PIK3R6: variants seen among roughly 807,000 people sequenced by gnomAD.
PIK3R6 encodes the protein phosphoinositide 3-kinase regulatory subunit 6.
A neutral mutation model predicts 84.9 loss-of-function variants in PIK3R6; 91 were observed. That is an observed-to-expected ratio of 1.07 (90% CI 0.90 to 1.28). The LOEUF (loss-of-function observed/expected upper bound fraction) is 1.28. Ranked by LOEUF, PIK3R6 falls within the 50% of genes most tolerant of loss-of-function variation. The pLI is 0.00. For synonymous variants in PIK3R6, 416 were observed against 411.4 expected (o/e 1.01, Z -0.13); for missense variants, 996 against 985.1 (o/e 1.01, Z -0.15).
intron 16 of PIK3R6, among the ~76,000 whole-genome samples, chr17:8,822,179 G>A (rs1411688966): frequency 4.6e-5 from 7 of 151,434 alleles, no homozygotes; most frequent in Middle Eastern, 3.5e-3. Flanking sequence ...CATGAGCCAC[G>A]GTGCCAGACC....
At chr17:8,815,661 G>A (rs976019359) in intron 18 of PIK3R6, among the ~76,000 whole-genome samples, 3 of 152,200 alleles carry the variant, frequency 2.0e-5, no homozygotes, top group African/African-American at 4.8e-5. Flanking sequence ...AAATAGCCAC[G>A]TGGGGATGGG....
At chr17:8,854,524 G>T (rs1293907990) in intron 1 of PIK3R6, among the ~76,000 whole-genome samples, 2 of 152,192 alleles carry the variant, frequency 1.3e-5, no homozygotes, top group Non-Finnish European at 2.9e-5. Flanking sequence ...ACAGAACGAA[G>T]AGTTCGGAAG....
At chr17:8,819,861 C>T (rs2087669946) in intron 17 of PIK3R6, among the ~76,000 whole-genome samples, 3 of 146,048 alleles carry the variant, frequency 2.1e-5, no homozygotes, top group Non-Finnish European at 4.5e-5. Flanking sequence ...TATATAGACA[C>T]ACATATATAT....
At position 8,840,310 on chromosome 17, in the gene PIK3R6, AAT is replaced by A. The variant is rs1434692457; in HGVS notation, c.14-615_14-614del. 5.0e-5 allele frequency among the ~76,000 whole-genome samples: 7 copies of A among 139,928 alleles called. 1 individual carries two copies. The highest frequency in any genetic ancestry group is 1.8e-4 in the African/African-American group (7 of 38,506). The allele number at this position is 139,928 out of a possible 152,430, so 91.8% of individuals were successfully genotyped here. A position where few individuals can be genotyped will look rare whatever the true frequency, so the allele number is the denominator to read the frequency against. ...ATACAGCCTACAAATATGTATATGA[AAT>A]ATATATAGCCTCCAAATATGTATAT... On this transcript the variant is annotated intron_variant, in intron 2 of 19. Transcript: ENST00000619866.
intron 17 of PIK3R6, among the ~76,000 whole-genome samples, chr17:8,821,270 G>A (rs1444088343): frequency 6.6e-6 from 1 of 152,172 alleles, no homozygotes; most frequent in Non-Finnish European, 1.5e-5. Context: ...CAGAGGTGAT[G>A]TTGGGTGTGT....
In PIK3R6 at chr17:8,838,626, C is replaced by A. The variant is rs766136901; in HGVS notation, c.127G>T (p.Val43Phe). 1.0e-5 allele frequency: 16 copies of A among 1,605,864 alleles called. No homozygotes were observed. The highest frequency in any genetic ancestry group is 4.0e-5 in the African/African-American group (3 of 74,758). The part of the protein sequence containing the change: ...GMWRWSLHKK[V>F]ERDPGKSPVL... Reference sequence around the variant, plus strand: ...GGGCTCTTACCGGGATCTCGCTCGACCTTCTTGTGCAGGGACCACCTCCAC... The same window carrying A: ...GGGCTCTTACCGGGATCTCGCTCGAACTTCTTGTGCAGGGACCACCTCCAC... Residue 43 changes from valine (V) to phenylalanine (F), a missense_variant, in exon 4 of 20, where the codon GTC (valine) becomes TTC (phenylalanine). Coordinates refer to ENST00000619866, the MANE Select transcript of PIK3R6 (RefSeq NM_001010855.4).
At chr17:8,850,760 C>T (rs549641652) in intron 1 of PIK3R6, among the ~76,000 whole-genome samples, 4 of 152,036 alleles carry the variant, frequency 2.6e-5, no homozygotes, top group African/African-American at 4.8e-5. Context: ...AAAGAGATAA[C>T]GAAGAGACAA....
chr17:8,837,907 T>A, intron 4 of PIK3R6, 36 bp from the exon 5 acceptor site: 1 of 1,585,724 alleles, frequency 6.3e-7, no homozygotes, highest in Non-Finnish European at 8.7e-7. Flanking sequence ...GGTATTGGGC[T>A]GGGGGAATCC....
chr17:8,859,883 C>G (rs1485197213), intron 1 of PIK3R6, among the ~76,000 whole-genome samples: 1 of 152,148 alleles, frequency 6.6e-6, no homozygotes, highest in African/African-American at 2.4e-5. Flanking sequence ...GGAGCCAATC[C>G]CTGCTAATAC....
chr17:8,822,903 G>T, intron 15 of PIK3R6, 93 bp downstream of exon 15: 2 of 1,102,840 alleles, frequency 1.8e-6, no homozygotes, highest in Non-Finnish European at 2.8e-6. Context: ...GAGGGTGTGG[G>T]CGTGCAGGCA....
rs1047583537 is a variant in PIK3R6, at chr17:8,842,335, C to A, written c.14-2638G>T. Among the ~76,000 whole-genome samples, 1 of 152,164 alleles carries A rather than the reference C, an allele frequency of 6.6e-6. No homozygotes were observed. The highest frequency in any genetic ancestry group is 2.4e-5 in the African/African-American group (1 of 41,426). On this transcript the variant is annotated intron_variant, in intron 2 of 19. Coordinates refer to ENST00000619866, the MANE Select transcript of PIK3R6 (RefSeq NM_001010855.4). The surrounding 1 kb of genome is among the most constrained non-coding windows in gnomAD (Gnocchi z 4.5). ...GTATGGTAGTGGTTCTAAAGCAGGA[C>A]CTTCCCCAGGAGACGCTCAAGCTTC...
Position 8,853,497 on chromosome 17 carries a change from AAAT to A in PIK3R6, c.-91-3615_-91-3613del, listed in dbSNP as rs1158060254. 3.2e-3 allele frequency among the ~76,000 whole-genome samples: 459 copies of A among 141,356 alleles called. 1 individual carries two copies. The highest frequency in any genetic ancestry group is 6.8e-3 in the African/African-American group (260 of 38,040). The allele number at this position is 141,356 out of a possible 152,430, so 92.7% of individuals were successfully genotyped here. On this transcript the variant is annotated intron_variant, in intron 1 of 19. Coordinates refer to ENST00000619866, the MANE Select transcript of PIK3R6 (RefSeq NM_001010855.4). ...AAGACTCCATCTCAAAAAAAAAAAA[AAAT>A]AATAATAATAATAATAAAATAATAA...
At chr17:8,823,606 A>T in intron 13 of PIK3R6, 109 bp from the exon 14 acceptor site, 3 of 710,072 alleles carry the variant, frequency 4.2e-6, no homozygotes, top group Non-Finnish European at 7.5e-6. Context: ...GGATGCACTA[A>T]CCCAGTGCGT....
intron 1 of PIK3R6, among the ~76,000 whole-genome samples, chr17:8,863,155 G>T (rs1046232807): frequency 2.5e-4 from 38 of 152,174 alleles, no homozygotes; most frequent in African/African-American, 8.7e-4. Flanking sequence ...TTGGGGAGGG[G>T]TGTGCAGTGT....
At chr17:8,845,864 G>T (rs556856371) in intron 2 of PIK3R6, among the ~76,000 whole-genome samples, 44 of 152,218 alleles carry the variant, frequency 2.9e-4, no homozygotes, top group Admixed American at 2.6e-3. Context: ...TTAAACCTGG[G>T]GGGTGGAGAT....
chr17:8,844,381 TGGAATATGAGA>T lies in PIK3R6; in HGVS notation c.14-4695_14-4685del, dbSNP rs1023566190. Among the ~76,000 whole-genome samples, 1 of 152,152 alleles carries T rather than the reference TGGAATATGAGA, an allele frequency of 6.6e-6. No individual in the cohort carries two copies. The highest frequency in any genetic ancestry group is 2.4e-5 in the African/African-American group (1 of 41,432). On this transcript the variant is annotated intron_variant, in intron 2 of 19. Transcript: ENST00000619866. This position sits in a 1 kb window ranked among gnomAD's most constrained non-coding sequence, Gnocchi z 4.5. ...ATGATGCTAGAGTTCATCCTAACCT[TGGAATATGAGA>T]GGTTGAAGCTGGTTTTGATTTGATT...
rs375900128 is a variant in PIK3R6, at chr17:8,839,590, C to A, written c.97+24G>T. The A allele has an allele frequency of 2.6e-6, 4 of 1,546,668 alleles. No individual in the cohort carries two copies. Among genetic ancestry groups the A allele is most frequent in the Non-Finnish European group, 8.8e-7 (1 of 1,142,502 alleles). ...GTTGGGTGGAGGTCAGAGGGACCAG[C>A]TGCTGCTGCCAGCTGGCTCTTACCT... On this transcript the variant is annotated intron_variant, in intron 3 of 19. Transcript: ENST00000619866. The surrounding 1 kb of genome is among the most constrained non-coding windows in gnomAD (Gnocchi z 4.2).
rs199642447 is a variant in PIK3R6 at position 8,836,573 on chromosome 17, C to A, written c.435G>T (p.Thr145=). 1,059 of 1,613,860 alleles carry A rather than the reference C, an allele frequency of 6.6e-4. 9 individuals are homozygous for A. The highest frequency in any genetic ancestry group is 4.9e-4 in the Middle Eastern group (3 of 6,084). ...QRMVIAEQNL[T]NELYPYQERV... is the part of the protein sequence containing the mutation. ...TCTCCTGGTAGGGATACAGCTCATT[C>A]GTCAAGTTCTGTTCGGCAATGACCA... The change falls in exon 7 of 20, where the codon ACG becomes ACT. Residue 145 remains threonine (T), a synonymous_variant. Coordinates refer to ENST00000619866, the MANE Select transcript of PIK3R6 (RefSeq NM_001010855.4).
chr17:8,836,957 A>C, intron 5 of PIK3R6, 34 bp from the exon 6 acceptor site: 1 of 927,390 alleles, frequency 1.1e-6, no homozygotes, highest in Non-Finnish European at 1.5e-6. Context: ...GGTGAGAGGG[A>C]GGAGGTGGAG....
Sources: gnomAD v4.1 joint callset for allele counts (sites outside exome capture counted in the v4.1 genomes callset) on GRCh38, gnomAD v4.1.1 for gene constraint, Gnocchi (gnomAD v3.1) non-coding constraint, MANE v1.5 for transcripts, NCBI Gene and HGNC (gene_info 2026-07-23, HGNC 2026-07-21) for gene names.